Variants in TRPS1 observed in about 807,000 individuals in gnomAD.
TRPS1 encodes the protein zinc finger transcription factor Trps1.
A neutral mutation model predicts 101.2 loss-of-function variants in TRPS1; 6 were observed. That is an observed-to-expected ratio of 0.06 (90% CI 0.03 to 0.12). TRPS1 has a LOEUF of 0.12. Among genes scored for constraint, TRPS1 ranks in the 10% least tolerant of loss-of-function variants. The pLI, the probability that TRPS1 is intolerant of heterozygous loss-of-function variation, is 1.00. For synonymous variants in TRPS1, 578 were observed against 589.8 expected (o/e 0.98, Z 0.29); for missense variants, 1,363 against 1,567.0 (o/e 0.87, Z 2.20).
At chr8:115,430,019 A>G (rs997118851) in intron 5 of TRPS1, among the ~76,000 whole-genome samples, 3 of 152,200 alleles carry the variant, frequency 2.0e-5, no homozygotes, top group African/African-American at 7.2e-5. Flanking sequence ...GCTGAAATTT[A>G]AAACACATAC....
At chr8:115,538,182 C>T (rs960664459) in intron 5 of TRPS1, among the ~76,000 whole-genome samples, 8 of 152,170 alleles carry the variant, frequency 5.3e-5, no homozygotes, top group African/African-American at 7.2e-5. Flanking sequence ...CAAGGATAGA[C>T]GGATTAGTGA....
At chr8:115,433,985 C>CA (rs1813386995) in intron 5 of TRPS1, among the ~76,000 whole-genome samples, 1 of 186 alleles carries the variant, frequency 5.4e-3, no homozygotes, top group Non-Finnish European at 8.3e-3. Flanking sequence ...AGAATCTTTT[C>CA]ACCTGAGTAG....
intron 5 of TRPS1, among the ~76,000 whole-genome samples, chr8:115,434,214 G>T (rs533788518): frequency 6.6e-6 from 1 of 152,248 alleles, no homozygotes; most frequent in African/African-American, 2.4e-5. Flanking sequence ...TACGTAGAAT[G>T]TAACATCTAT....
intron 5 of TRPS1, among the ~76,000 whole-genome samples, chr8:115,517,521 T>A (rs556133041): frequency 3.0e-4 from 46 of 151,180 alleles, no homozygotes; most frequent in African/African-American, 1.1e-3. Context: ...TCTGCAGGGC[T>A]AATTAGTAAC....
At chr8:115,545,966 C>G (rs1222901686) in intron 5 of TRPS1, among the ~76,000 whole-genome samples, 1 of 152,010 alleles carries the variant, frequency 6.6e-6, no homozygotes, top group Non-Finnish European at 1.5e-5. Context: ...TAACCTAAAA[C>G]AGTTTATGAT....
rs201957548 is a variant in TRPS1 at position 115,622,851 on chromosome 8, C to T, written c.37+750G>A. 4.0e-4 allele frequency among the ~76,000 whole-genome samples: 61 copies of T among 152,174 alleles called. No individual in the cohort carries two copies. The East Asian group carries it at 6.6e-3, about 16-fold the overall frequency. On this transcript the variant is annotated intron_variant, in intron 2 of 6. Transcript: ENST00000395715. ...AAAATGGTTTATGCCCATATGTTAA[C>T]GCCAGGGTGAGCGATTAGGAAAATG...
chr8:115,451,954 C>T lies in TRPS1; in HGVS notation c.2701-33502G>A, dbSNP rs1813885144. Among the ~76,000 whole-genome samples the T allele has an allele frequency of 2.0e-5, 3 of 152,294 alleles. No individual in the cohort carries two copies. The South Asian group carries it at 6.2e-4, about 32-fold the overall frequency. ...AATCAGCTGTTCCCCACTCCGACTC[C>T]TACTCCCTCCCCAACCCCCACTTCT... On this transcript the variant is annotated intron_variant, in intron 5 of 6. Transcript: ENST00000395715.
At chr8:115,608,860 T>C (rs1254003797) in intron 3 of TRPS1, among the ~76,000 whole-genome samples, 1 of 151,702 alleles carries the variant, frequency 6.6e-6, no homozygotes, top group African/African-American at 2.4e-5. Context: ...AAATTTCTTT[T>C]TTAGAGGCAG....
chr8:115,508,162 A>G (rs1358925958), intron 5 of TRPS1, among the ~76,000 whole-genome samples: 1 of 152,146 alleles, frequency 6.6e-6, no homozygotes. Context: ...GCATGTTCAA[A>G]ATGAGAACAA....
intron 5 of TRPS1, among the ~76,000 whole-genome samples, chr8:115,559,723 C>T (rs1196810345): frequency 6.6e-6 from 1 of 151,972 alleles, no homozygotes; most frequent in African/African-American, 2.4e-5. Flanking sequence ...ATCAAATTTC[C>T]AAAGATTTTA....
intron 5 of TRPS1, among the ~76,000 whole-genome samples, chr8:115,460,721 T>G (rs1359399397): frequency 6.6e-6 from 1 of 152,126 alleles, no homozygotes; most frequent in Non-Finnish European, 1.5e-5. Context: ...GAACTGCTTT[T>G]CTTTAATCAA....
intron 1 of TRPS1, among the ~76,000 whole-genome samples, chr8:115,648,981 C>T (rs554941290): frequency 1.7e-4 from 26 of 152,122 alleles, no homozygotes; most frequent in Non-Finnish European, 3.5e-4. Context: ...ATTATCAGGA[C>T]AGTACCACAT....
chr8:115,665,425 A>G (rs1314460909), intron 1 of TRPS1, among the ~76,000 whole-genome samples: 2 of 152,150 alleles, frequency 1.3e-5, no homozygotes, highest in East Asian at 3.8e-4. Flanking sequence ...AGAATCGTAA[A>G]AGCTGCTTTT....
chr8:115,509,909 A>T (rs1815539610), intron 5 of TRPS1, among the ~76,000 whole-genome samples: 1 of 151,996 alleles, frequency 6.6e-6, no homozygotes, highest in South Asian at 2.1e-4. Flanking sequence ...ACAGGTTTCC[A>T]GAGGTCTCTT....
chr8:115,440,279 C>T (rs1275566370), intron 5 of TRPS1, among the ~76,000 whole-genome samples: 1 of 152,180 alleles, frequency 6.6e-6, no homozygotes, highest in African/African-American at 2.4e-5. Context: ...TGGCTAGGTG[C>T]ATGCCTGAGA....
chr8:115,528,582 A>G (rs1816056557), intron 5 of TRPS1, among the ~76,000 whole-genome samples: 1 of 152,010 alleles, frequency 6.6e-6, no homozygotes, highest in South Asian at 2.1e-4. Flanking sequence ...AACTTCACTG[A>G]CCATTATTAA....
At chr8:115,658,987 A>G (rs953668954) in intron 1 of TRPS1, among the ~76,000 whole-genome samples, 1 of 152,134 alleles carries the variant, frequency 6.6e-6, no homozygotes, top group Non-Finnish European at 1.5e-5. Flanking sequence ...GTTATAAATA[A>G]TGAGGGCATT....
intron 4 of TRPS1, among the ~76,000 whole-genome samples, chr8:115,596,577 T>C (rs1203682386): frequency 6.6e-6 from 1 of 151,794 alleles, no homozygotes; most frequent in East Asian, 1.9e-4. Flanking sequence ...TATGGATAGA[T>C]ATAGATATGA....
intron 5 of TRPS1, among the ~76,000 whole-genome samples, chr8:115,438,388 A>G (rs552666609): frequency 3.3e-5 from 5 of 152,228 alleles, no homozygotes; most frequent in Non-Finnish European, 5.9e-5. Flanking sequence ...AAGCCACATA[A>G]GCAAAGACCT....
Sources: gnomAD v4.1 joint callset for allele counts (sites outside exome capture counted in the v4.1 genomes callset) on GRCh38, gnomAD v4.1.1 for gene constraint, MANE v1.5 for transcripts, NCBI Gene and HGNC (gene_info 2026-07-23, HGNC 2026-07-21) for gene names.